CCPG1: variants seen among roughly 807,000 people sequenced by gnomAD.
CCPG1 encodes cell cycle progression protein 1.
In CCPG1, 46 loss-of-function variants were observed where a neutral mutation model predicts 81.3. The observed-to-expected ratio is 0.57, with a 90% CI of 0.45 to 0.72. CCPG1 has a LOEUF of 0.72. Ranked by LOEUF, CCPG1 falls within the 30% of genes least tolerant of loss-of-function variation. The probability of loss-of-function intolerance (pLI) is 0.00; values close to 1 mark genes in which losing one functional copy is unlikely to be tolerated. For missense variants in CCPG1, 902 were observed against 937.6 expected (o/e 0.96, Z 0.50); for synonymous variants, 330 against 305.2 (o/e 1.08, Z -0.85).
chr15:55,382,604 G>A (rs2056722752), intron 3 of CCPG1, among the ~76,000 whole-genome samples: 1 of 151,246 alleles, frequency 6.6e-6, no homozygotes, highest in African/African-American at 2.4e-5. Flanking sequence ...CCGCCTCCCA[G>A]GTTCACGCCA....
At chr15:55,374,687 G>C (rs1010194763) in intron 5 of CCPG1, among the ~76,000 whole-genome samples, 6 of 152,178 alleles carry the variant, frequency 3.9e-5, no homozygotes, top group African/African-American at 1.4e-4. Context: ...CTGGAGTGCA[G>C]TGGCGCAATC....
chr15:55,376,926 G>A (rs2056578359), intron 5 of CCPG1, 23 bp downstream of exon 5: 1 of 1,556,372 alleles, frequency 6.4e-7, no homozygotes, highest in Non-Finnish European at 8.8e-7. Flanking sequence ...ATGTCTTTAA[G>A]TCTCTTATCA....
At chr15:55,367,889 T>G (rs2141259533) in intron 6 of CCPG1, among the ~76,000 whole-genome samples, 2 of 152,326 alleles carry the variant, frequency 1.3e-5, no homozygotes, top group South Asian at 4.1e-4. Context: ...ATATCCAGAT[T>G]ACAGAACTCT....
intron 1 of CCPG1, among the ~76,000 whole-genome samples, chr15:55,405,671 A>G (rs1466594292): frequency 2.0e-5 from 3 of 152,220 alleles, no homozygotes; most frequent in African/African-American, 7.2e-5. Context: ...ACTGCACTCC[A>G]GACTAGGTGA....
chr15:55,371,152 A>T (rs2056441959), intron 6 of CCPG1, among the ~76,000 whole-genome samples: 1 of 152,200 alleles, frequency 6.6e-6, no homozygotes, highest in African/African-American at 2.4e-5. Flanking sequence ...AGGCTCCTAA[A>T]TGAAAAAGTA....
intron 6 of CCPG1, among the ~76,000 whole-genome samples, chr15:55,368,985 G>A (rs1438235647): frequency 6.6e-6 from 1 of 152,046 alleles, no homozygotes; most frequent in Non-Finnish European, 1.5e-5. Flanking sequence ...GCTGGCGGAT[G>A]CCTGTAATCC....
intron 2 of CCPG1, among the ~76,000 whole-genome samples, chr15:55,388,658 G>C (rs1222917728): frequency 6.6e-6 from 1 of 152,068 alleles, no homozygotes; most frequent in African/African-American, 2.4e-5. Context: ...CCAGCTACTT[G>C]GGAGGATCAC....
At chr15:55,387,229 G>C (rs2056818482) in intron 2 of CCPG1, among the ~76,000 whole-genome samples, 3 of 152,216 alleles carry the variant, frequency 2.0e-5, no homozygotes, top group African/African-American at 7.2e-5. Flanking sequence ...CTGAGTGCCA[G>C]ACAGAGGTCT....
chr15:55,407,319 T>G (rs949078090), intron 1 of CCPG1, among the ~76,000 whole-genome samples: 2 of 152,012 alleles, frequency 1.3e-5, no homozygotes, highest in South Asian at 4.1e-4. Flanking sequence ...AGTAAACCAT[T>G]CACACTGGAT....
At chr15:55,399,036 T>C (rs1010793758) in intron 1 of CCPG1, among the ~76,000 whole-genome samples, 3 of 152,046 alleles carry the variant, frequency 2.0e-5, no homozygotes, top group Non-Finnish European at 4.4e-5. Flanking sequence ...GTGCTGAAGA[T>C]ACAGGACTGA....
intron 2 of CCPG1, among the ~76,000 whole-genome samples, chr15:55,388,125 C>T (rs2056841020): frequency 6.6e-6 from 1 of 151,766 alleles, no homozygotes; most frequent in Admixed American, 6.6e-5. Flanking sequence ...TACAAGACAA[C>T]AAGAGCGACA....
At chr15:55,393,260 C>T (rs1005985448) in intron 1 of CCPG1, among the ~76,000 whole-genome samples, 2 of 152,120 alleles carry the variant, frequency 1.3e-5, no homozygotes, top group African/African-American at 4.8e-5. Flanking sequence ...CATAGTGAGA[C>T]TCCCCATCTC....
rs542348076 is a variant in CCPG1 at position 55,384,119 on chromosome 15, C to T, written c.175+1481G>A. Among the ~76,000 whole-genome samples, 14 of 152,252 alleles carry T rather than the reference C, an allele frequency of 9.2e-5. No homozygotes were observed. In the East Asian group the frequency reaches 2.1e-3, roughly 23 times the overall value. On this transcript the variant is annotated intron_variant, in intron 3 of 8. Coordinates refer to ENST00000442196, the MANE Select transcript of CCPG1 (RefSeq NM_001204450.2). Reference sequence around the variant, plus strand: ...CTTTCACCTGAACACCTGGAGGCCACTGTAGGGTTATTAATTGGCCTGATT... The same window carrying T: ...CTTTCACCTGAACACCTGGAGGCCATTGTAGGGTTATTAATTGGCCTGATT...
At position 55,355,684 on chromosome 15, in the gene CCPG1, A is replaced by G; in HGVS notation, c.*536T>C. ...TTATTGTTTCTTCCACGATATTCAG[A>G]TGTGCAAAAAATTTCACAAGAAAAC... On this transcript the variant is annotated 3_prime_UTR_variant, in exon 9 of 9. Transcript: ENST00000442196. 3.4e-6 allele frequency: 1 copy of G among 297,600 alleles called. No homozygotes were observed. 18.4% of individuals were successfully genotyped at this position (297,600 alleles called of 1,614,324 possible).
intron 2 of CCPG1, among the ~76,000 whole-genome samples, chr15:55,388,584 A>G (rs562477087): frequency 2.0e-3 from 308 of 152,346 alleles, no homozygotes; most frequent in African/African-American, 7.0e-3. Flanking sequence ...TGAAAACAGT[A>G]TGTATCACAG....
intron 7 of CCPG1, among the ~76,000 whole-genome samples, 160 bp from the exon 8 acceptor site, chr15:55,361,104 AG>A: frequency 6.7e-6 from 1 of 150,120 alleles, no homozygotes; most frequent in East Asian, 1.9e-4. Flanking sequence ...GGGAAATACA[AG>A]GTTCATATGC....
In CCPG1 at chr15:55,355,717, C is replaced by G. The variant is rs537601346; in HGVS notation, c.*503G>C. On this transcript the variant is annotated 3_prime_UTR_variant, in exon 9 of 9. Transcript: ENST00000442196. The stretch of plus-strand genomic sequence containing the variant: ...AAAATTTCACAAGAAAACAAGTCAG[C>G]AAGCTCTTAAGAGGGCAGCAAATTC... The G allele has an allele frequency of 2.0e-4, 52 of 254,790 alleles. No individual in the cohort carries two copies. The highest frequency in any genetic ancestry group is 3.4e-4 in the Non-Finnish European group (46 of 136,050). 15.8% of individuals were successfully genotyped at this position (254,790 alleles called of 1,614,324 possible).
chr15:55,390,792 T>TA (rs2056899099), intron 1 of CCPG1, among the ~76,000 whole-genome samples: 1 of 152,220 alleles, frequency 6.6e-6, no homozygotes, highest in Admixed American at 6.5e-5. Flanking sequence ...GCTAATAGTA[T>TA]AAAAATTAAC....
rs1377878564 is a variant in CCPG1 at position 55,377,645 on chromosome 15, G to C, written c.253-495C>G. Among the ~76,000 whole-genome samples, 3 of 152,234 alleles carry C rather than the reference G, an allele frequency of 2.0e-5. No homozygotes were observed. In the East Asian group the frequency reaches 5.8e-4, roughly 29 times the overall value. On this transcript the variant is annotated intron_variant, in intron 4 of 8. Coordinates refer to ENST00000442196, the MANE Select transcript of CCPG1 (RefSeq NM_001204450.2). ...ATAGTACTAAGAAGTGGGACCTTTA[G>C]GAGGTGACTGAGTTATAAGGGATCC...
Sources: allele counts gnomAD v4.1 joint callset (sites outside exome capture counted in the v4.1 genomes callset), GRCh38; gene constraint gnomAD v4.1.1; transcripts MANE v1.5; gene names NCBI Gene and HGNC (gene_info 2026-07-23, HGNC 2026-07-21).